TUSC3: variants seen among roughly 807,000 people sequenced by gnomAD.
TUSC3 encodes tumor suppressor candidate 3, also known as dolichyl-diphosphooligosaccharide--protein glycosyltransferase subunit TUSC3.
TUSC3 carries 45 observed loss-of-function variants against 44.8 expected under a neutral mutation model. That is an observed-to-expected ratio of 1.00 (90% CI 0.79 to 1.29). The LOEUF (loss-of-function observed/expected upper bound fraction) is 1.29, where lower values mean the gene tolerates loss of function less well. Ranked by LOEUF, TUSC3 falls within the 50% of genes most tolerant of loss-of-function variation. The probability of loss-of-function intolerance (pLI) is 0.00; values close to 1 mark genes in which losing one functional copy is unlikely to be tolerated. For synonymous variants in TUSC3, 212 were observed against 152.9 expected (o/e 1.39, Z -2.85); for missense variants, 519 against 437.9 (o/e 1.19, Z -1.65).
At chr8:15,463,046 C>T (rs1031253893) in intron 1 of TUSC3, among the ~76,000 whole-genome samples, 1 of 151,914 alleles carries the variant, frequency 6.6e-6, no homozygotes, top group African/African-American at 2.4e-5. Flanking sequence ...TCTTCCTCCC[C>T]TTTTCCTCTT....
At chr8:15,568,679 T>A (rs1802760752) in intron 1 of TUSC3, among the ~76,000 whole-genome samples, 1 of 151,828 alleles carries the variant, frequency 6.6e-6, no homozygotes, top group Non-Finnish European at 1.5e-5. Context: ...CTTAGCGCAC[T>A]GCAACTTCCA....
In TUSC3 at chr8:15,643,965, A is replaced by G. The variant is rs1806501331; in HGVS notation, c.309-6732A>G. ...ATTCATTTTACGTATATAACTGTAA[A>G]GACATACAATGGTATTTTCATACGA... On this transcript the variant is annotated intron_variant, in intron 2 of 10. Transcript: ENST00000503731. Among the ~76,000 whole-genome samples, 5 of 152,216 alleles carry G rather than the reference A, an allele frequency of 3.3e-5. No individual in the cohort carries two copies. The South Asian group carries it at 1.0e-3, about 31-fold the overall frequency.
chr8:15,729,918 TA>T (rs1462646321), intron 6 of TUSC3, among the ~76,000 whole-genome samples: 2 of 152,144 alleles, frequency 1.3e-5, no homozygotes. Flanking sequence ...GTGATACAAT[TA>T]TACATCATAA....
the TUSC3 span, among the ~76,000 whole-genome samples, chr8:15,840,793 A>G: frequency 1.3e-5 from 2 of 152,180 alleles, no homozygotes; most frequent in African/African-American, 4.8e-5. Flanking sequence ...TTTATCATCT[A>G]TCCACTTGGA....
intron 5 of TUSC3, among the ~76,000 whole-genome samples, chr8:15,664,784 AAATATAT>A (rs1422571761): frequency 6.7e-6 from 1 of 149,484 alleles, no homozygotes; most frequent in Non-Finnish European, 1.5e-5. Flanking sequence ...AAATGAGATT[AAATATAT>A]AATATATAAT....
intron 1 of TUSC3, among the ~76,000 whole-genome samples, chr8:15,555,139 CTTTTT>C (rs60676527): frequency 4.3e-5 from 4 of 93,556 alleles, no homozygotes; most frequent in Admixed American, 1.4e-4. Context: ...TAATAGCAGT[CTTTTT>C]TTTTTTTTTT....
chr8:15,577,823 TA>T (rs1585119081), intron 1 of TUSC3, among the ~76,000 whole-genome samples: 1 of 149,078 alleles, frequency 6.7e-6, no homozygotes, highest in East Asian at 2.0e-4. Context: ...ATATGAACTT[TA>T]AAGTAGTTTT....
chr8:15,611,360 A>G (rs1038097213), intron 1 of TUSC3, among the ~76,000 whole-genome samples: 10 of 151,974 alleles, frequency 6.6e-5, no homozygotes, highest in Non-Finnish European at 1.0e-4. Flanking sequence ...TAATTTTTGT[A>G]TTTTTAGTAG....
intron 1 of TUSC3, among the ~76,000 whole-genome samples, chr8:15,429,042 C>T (rs976567302): frequency 2.0e-5 from 3 of 152,128 alleles, no homozygotes; most frequent in African/African-American, 7.2e-5. Context: ...GAAGTCCTTG[C>T]CCATGCCTAT....
At chr8:15,582,849 TATG>T (rs1803430729) in intron 1 of TUSC3, among the ~76,000 whole-genome samples, 1 of 152,238 alleles carries the variant, frequency 6.6e-6, no homozygotes, top group Non-Finnish European at 1.5e-5. Flanking sequence ...TTTCTTTAAA[TATG>T]ATATGTAACA....
At chr8:15,555,139 C>CT (rs60676527) in intron 1 of TUSC3, among the ~76,000 whole-genome samples, 3,276 of 93,516 alleles carry the variant, frequency 0.035, 227 homozygotes, top group African/African-American at 0.11. Flanking sequence ...TAATAGCAGT[C>CT]TTTTTTTTTT....
chr8:15,743,417 A>T, intron 7 of TUSC3, 121 bp from the exon 8 acceptor site: 1 of 964,564 alleles, frequency 1.0e-6, no homozygotes, highest in Non-Finnish European at 1.7e-6. Context: ...AAGGTAATTG[A>T]TTGTATTTAC....
chr8:15,543,586 T>A (rs1181124933), intron 1 of TUSC3, among the ~76,000 whole-genome samples: 1 of 151,986 alleles, frequency 6.6e-6, no homozygotes, highest in East Asian at 1.9e-4. Context: ...AATATATAAC[T>A]ATATGTATAT....
the TUSC3 span, among the ~76,000 whole-genome samples, chr8:15,822,370 T>G: frequency 2.6e-5 from 4 of 152,166 alleles, no homozygotes; most frequent in African/African-American, 9.6e-5. Context: ...ATTAATAGTT[T>G]AGACTCCATA....
chr8:15,612,174 A>T (rs1306357548), intron 1 of TUSC3, among the ~76,000 whole-genome samples: 1 of 152,128 alleles, frequency 6.6e-6, no homozygotes, highest in Non-Finnish European at 1.5e-5. Context: ...TTTGATGAGT[A>T]CCTGCTATTC....
intron 1 of TUSC3, among the ~76,000 whole-genome samples, chr8:15,419,636 A>G (rs1462404183): frequency 6.6e-6 from 1 of 152,220 alleles, no homozygotes; most frequent in Non-Finnish European, 1.5e-5. Flanking sequence ...TAATGCAAAC[A>G]CAAATGTCAA....
intron 10 of TUSC3, among the ~76,000 whole-genome samples, 194 bp from the exon 11 acceptor site, chr8:15,764,008 TC>T (rs1334536455): frequency 6.6e-6 from 1 of 152,048 alleles, no homozygotes; most frequent in Non-Finnish European, 1.5e-5. Context: ...CTGACCCTGT[TC>T]CCAACCTAAG....
the TUSC3 span, among the ~76,000 whole-genome samples, chr8:15,786,753 C>G: frequency 6.6e-6 from 1 of 151,404 alleles, no homozygotes; most frequent in African/African-American, 2.4e-5. Context: ...ATCAGTATGG[C>G]CAAGGTGGTG....
rs536938519 is a variant in TUSC3 at position 15,518,350 on chromosome 8, A to G, written n.189+34867A>G. Among the ~76,000 whole-genome samples the G allele has an allele frequency of 5.3e-5, 8 of 152,176 alleles. No individual in the cohort carries two copies. In the South Asian group the frequency reaches 1.7e-3, roughly 32 times the overall value. ...TTATACATGTTACAGTTTTATCCAT[A>G]TAGTGTGTGATATTGGGAAAAAAGT... On this transcript the variant is annotated intron_variant and non_coding_transcript_variant, in intron 2 of 5. Coordinates refer to the TUSC3 transcript ENST00000503191.
Sources: allele counts gnomAD v4.1 joint callset (sites outside exome capture counted in the v4.1 genomes callset), GRCh38; gene constraint gnomAD v4.1.1; transcripts MANE v1.5; gene names NCBI Gene and HGNC (gene_info 2026-07-23, HGNC 2026-07-21).